Variants in GPR149 observed in about 807,000 individuals in gnomAD.
The protein encoded by GPR149 is probable G protein-coupled receptor 149.
In GPR149, 50 loss-of-function variants were observed where a neutral mutation model predicts 50.2. That is an observed-to-expected ratio of 1.00 (90% confidence interval 0.79 to 1.26). GPR149 has a LOEUF of 1.26. Ranked by LOEUF, GPR149 falls within the 50% of genes most tolerant of loss-of-function variation. The probability of loss-of-function intolerance (pLI) is 0.00; values close to 1 mark genes in which losing one functional copy is unlikely to be tolerated. For synonymous variants in GPR149, 405 were observed against 358.2 expected (o/e 1.13, Z -1.48); for missense variants, 983 against 895.4 (o/e 1.10, Z -1.25).
intron 3 of GPR149, among the ~76,000 whole-genome samples, chr3:154,375,896 A>G (rs1358117127): frequency 6.6e-6 from 1 of 152,174 alleles, no homozygotes; most frequent in African/African-American, 2.4e-5. Context: ...TTTTAGCTGG[A>G]ACATCCATCT....
chr3:154,335,420 AT>A lies in GPR149; in HGVS notation c.*2278del, dbSNP rs1279360452. 9 of 152,018 alleles carry A rather than the reference AT, an allele frequency of 5.9e-5. No homozygotes were observed. The highest frequency in any genetic ancestry group is 1.0e-4 in the Non-Finnish European group (7 of 67,970). The allele number at this position is 152,018 out of a possible 1,614,324, so 9.4% of individuals were successfully genotyped here. The stretch of plus-strand genomic sequence containing the variant: ...TCATGCTTAGGCACAGCTCTAGTAG[AT>A]TTTTCTTGTATATTCAGCTATTGTT... On this transcript the variant is annotated 3_prime_UTR_variant, in exon 4 of 4. Transcript: ENST00000389740.
In GPR149 at chr3:154,352,105, A is replaced by G. The variant is rs560848598; in HGVS notation, c.1624-13834T>C. 3.5e-5 allele frequency: 23 copies of G among 660,474 alleles called. 1 individual carries two copies. In the East Asian group the frequency reaches 4.3e-4, roughly 12 times the overall value. 40.9% of individuals were successfully genotyped at this position (660,474 alleles called of 1,614,324 possible). ...ATACATAATTAGGCACAAATAGGCA[A>G]GTTCACACTGGTAGATTAAGTATCA... On this transcript the variant is annotated intron_variant, in intron 3 of 3. Transcript: ENST00000389740.
At chr3:154,343,301 G>A (rs1713847764) in intron 3 of GPR149, among the ~76,000 whole-genome samples, 1 of 151,982 alleles carries the variant, frequency 6.6e-6, no homozygotes, top group South Asian at 2.1e-4. Context: ...TCTTCCTCTG[G>A]GAGTGAATAG....
chr3:154,358,347 C>G (rs373122816), intron 3 of GPR149, among the ~76,000 whole-genome samples: 3 of 152,032 alleles, frequency 2.0e-5, no homozygotes, highest in African/African-American at 7.2e-5. Flanking sequence ...CCCAAAGTAT[C>G]TCTTATGTCT....
At chr3:154,427,172 A>G (rs1315457626) in intron 2 of GPR149, among the ~76,000 whole-genome samples, 6 of 152,082 alleles carry the variant, frequency 3.9e-5, no homozygotes, top group Non-Finnish European at 7.4e-5. Flanking sequence ...GGAGGGGAAT[A>G]TATTTTCTAT....
intron 3 of GPR149, among the ~76,000 whole-genome samples, chr3:154,406,590 AT>A (rs1711699782): frequency 6.6e-6 from 1 of 152,222 alleles, no homozygotes; most frequent in South Asian, 2.1e-4. Flanking sequence ...CTATGAACTA[AT>A]ATGTAGAGAT....
intron 3 of GPR149, among the ~76,000 whole-genome samples, chr3:154,412,696 A>C (rs1300855478): frequency 6.6e-6 from 1 of 152,148 alleles, no homozygotes. Context: ...ATGTATGGGT[A>C]GAATCAATTT....
chr3:154,426,939 A>C (rs1363379264), intron 2 of GPR149, among the ~76,000 whole-genome samples: 1 of 150,146 alleles, frequency 6.7e-6, no homozygotes, highest in African/African-American at 2.5e-5. Context: ...CTACACTTAC[A>C]ATTTGTTTTG....
At chr3:154,421,535 GACA>G in intron 2 of GPR149, 48 bp from the exon 3 acceptor site, 1 of 975,322 alleles carries the variant, frequency 1.0e-6, no homozygotes, top group Non-Finnish European at 1.5e-6. Context: ...GGTAGATAAA[GACA>G]ACATTGTATA....
At chr3:154,416,753 A>C (rs1010301914) in intron 3 of GPR149, among the ~76,000 whole-genome samples, 2 of 151,976 alleles carry the variant, frequency 1.3e-5, no homozygotes, top group Non-Finnish European at 1.5e-5. Flanking sequence ...GTGGTTATGT[A>C]GTAAATTTAA....
At chr3:154,418,711 T>C (rs1461803195) in intron 3 of GPR149, among the ~76,000 whole-genome samples, 1 of 149,002 alleles carries the variant, frequency 6.7e-6, no homozygotes, top group East Asian at 2.0e-4. Flanking sequence ...ATATACCTAA[T>C]GCTAGATGAC....
rs1341107044 is a variant in GPR149 at position 154,351,311 on chromosome 3, T to TGCAAAAAAAAAAAAAAAAA, written c.1624-13041_1624-13040insTTTTTTTTTTTTTTTTTGC. On this transcript the variant is annotated intron_variant, in intron 3 of 3. Transcript: ENST00000389740. ...GTGCTAGGGCAATTAGACATCCACA[T>TGCAAAAAAAAAAAAAAAAA]ACAAAAAAAAAAAAAAAAAAAAAAA... is the stretch of plus-strand genomic sequence containing the variant. Among the ~76,000 whole-genome samples the TGCAAAAAAAAAAAAAAAAA allele has an allele frequency of 3.6e-4, 7 of 19,680 alleles. 2 individuals are homozygous for TGCAAAAAAAAAAAAAAAAA. Among genetic ancestry groups the TGCAAAAAAAAAAAAAAAAA allele is most frequent in the South Asian group, 5.6e-3 (2 of 358 alleles). 12.9% of individuals were successfully genotyped at this position (19,680 alleles called of 152,430 possible).
chr3:154,338,407 G>T, intron 3 of GPR149, 136 bp from the exon 4 acceptor site: 2 of 714,740 alleles, frequency 2.8e-6, no homozygotes, highest in Admixed American at 3.2e-5. Context: ...TTACAGATAC[G>T]GGATTTAAAT....
intron 3 of GPR149, among the ~76,000 whole-genome samples, chr3:154,344,687 G>C (rs1713881606): frequency 6.6e-6 from 1 of 152,120 alleles, no homozygotes; most frequent in South Asian, 2.1e-4. Flanking sequence ...ATAACAATTG[G>C]AGTTATGCTG....
intron 3 of GPR149, among the ~76,000 whole-genome samples, chr3:154,341,259 C>G (rs917731723): frequency 7.9e-6 from 1 of 126,316 alleles, no homozygotes; most frequent in Admixed American, 9.2e-5. Flanking sequence ...TCTGGAGGTC[C>G]TAGCTGTGCA....
chr3:154,412,139 A>G (rs978968142), intron 3 of GPR149, among the ~76,000 whole-genome samples: 2 of 152,208 alleles, frequency 1.3e-5, no homozygotes, highest in Non-Finnish European at 2.9e-5. Context: ...GCATTTGACA[A>G]AAGTCCAGCA....
At chr3:154,361,629 A>G (rs1449478976) in intron 3 of GPR149, among the ~76,000 whole-genome samples, 1 of 152,164 alleles carries the variant, frequency 6.6e-6, no homozygotes, top group African/African-American at 2.4e-5. Flanking sequence ...TTGGACCAGT[A>G]CGGGGTGCTT....
intron 3 of GPR149, among the ~76,000 whole-genome samples, chr3:154,350,183 G>A (rs566578107): frequency 5.9e-5 from 9 of 152,074 alleles, no homozygotes; most frequent in African/African-American, 2.2e-4. Flanking sequence ...GTGACAGAGT[G>A]AAACCCTGTC....
At chr3:154,405,317 G>GCACA (rs1178574998) in intron 3 of GPR149, among the ~76,000 whole-genome samples, 2 of 152,176 alleles carry the variant, frequency 1.3e-5, no homozygotes, top group Admixed American at 1.3e-4. Flanking sequence ...GGCCAGGTGT[G>GCACA]GTGGCTCACG....
Sources: gnomAD v4.1 joint callset for allele counts (sites outside exome capture counted in the v4.1 genomes callset) on GRCh38, gnomAD v4.1.1 for gene constraint, MANE v1.5 for transcripts, NCBI Gene and HGNC (gene_info 2026-07-23, HGNC 2026-07-21) for gene names.